GMDS: variants seen among roughly 807,000 people sequenced by gnomAD.
The protein encoded by GMDS is GDP-mannose 4,6-dehydratase.
In GMDS, 20 loss-of-function variants were observed where a neutral mutation model predicts 49.9. The observed-to-expected ratio is 0.40, with a 90% CI of 0.28 to 0.58. The LOEUF is 0.58. Among genes scored for constraint, GMDS ranks in the 20% least tolerant of loss-of-function variants. The pLI is 0.42. For synonymous variants in GMDS, 177 were observed against 178.6 expected (o/e 0.99, Z 0.07); for missense variants, 362 against 481.4 (o/e 0.75, Z 2.32).
intron 4 of GMDS, among the ~76,000 whole-genome samples, chr6:2,051,016 G>A (rs987604738): frequency 1.1e-4 from 17 of 152,120 alleles, no homozygotes; most frequent in African/African-American, 4.1e-4. Context: ...TAAATAATGA[G>A]TTGATGGGTG....
rs1775322663 is a variant in GMDS at position 2,124,708 on chromosome 6, G to C, written c.126C>G (p.Phe42Leu). The C allele has an allele frequency of 6.2e-7, 1 of 1,613,634 alleles. No individual in the cohort carries two copies. Among genetic ancestry groups the C allele is most frequent in the Non-Finnish European group, 8.5e-7 (1 of 1,179,784 alleles). ...TGQDGSYLAE[F>L]LLEKGYEVHG... ...CCACCTCATAGCCTTTCTCCAGCAG[G>C]AACTCAGCCAGGTAGGAACCATCCT... is the stretch of plus-strand genomic sequence containing the variant. Residue 42 changes from phenylalanine to leucine, a missense_variant, in exon 2 of 11, where the codon TTC becomes TTG. By Grantham distance (22) the Phe-to-Leu change is conservative (BLOSUM62 0). Coordinates refer to ENST00000380815, the MANE Select transcript of GMDS (RefSeq NM_001500.4).
Position 2,191,677 on chromosome 6 carries a change from C to G in GMDS, c.102+53644G>C, listed in dbSNP as rs1051142006. 3.9e-5 allele frequency among the ~76,000 whole-genome samples: 6 copies of G among 152,224 alleles called. No homozygotes were observed. Among genetic ancestry groups the G allele is most frequent in the African/African-American group, 7.2e-5 (3 of 41,462 alleles). ...GTATGTGAGGGTCCTGCCACCTCAG[C>G]TCCCTCCAGACTCTGTGTGCTGACA... On this transcript the variant is annotated intron_variant, in intron 1 of 10. Coordinates refer to ENST00000380815, the MANE Select transcript of GMDS (RefSeq NM_001500.4). This position sits in a 1 kb window ranked among gnomAD's most constrained non-coding sequence, Gnocchi z 4.6.
At chr6:2,219,443 A>G (rs1033446047) in intron 1 of GMDS, among the ~76,000 whole-genome samples, 2 of 152,178 alleles carry the variant, frequency 1.3e-5, no homozygotes, top group Admixed American at 1.3e-4. Context: ...TTTACACAGG[A>G]TCCTCTAAAC....
chr6:1,660,582 G>A (rs971007095), intron 9 of GMDS, among the ~76,000 whole-genome samples: 2 of 151,660 alleles, frequency 1.3e-5, no homozygotes, highest in Non-Finnish European at 2.9e-5. Context: ...GTGTCAATGA[G>A]GAAAAGGCAC....
chr6:1,715,614 C>T (rs992812121), intron 9 of GMDS, among the ~76,000 whole-genome samples: 4 of 152,188 alleles, frequency 2.6e-5, no homozygotes, highest in Non-Finnish European at 5.9e-5. Context: ...TCAGTTTTTT[C>T]AACATGCCTA....
chr6:1,955,727 T>C (rs1389910850), intron 6 of GMDS, among the ~76,000 whole-genome samples: 4 of 140,350 alleles, frequency 2.9e-5, no homozygotes, highest in Admixed American at 7.0e-5. Flanking sequence ...TCAAAACAAA[T>C]ATATTTAGAA....
intron 4 of GMDS, among the ~76,000 whole-genome samples, chr6:1,994,369 C>G (rs1375871643): frequency 6.6e-6 from 1 of 152,138 alleles, no homozygotes; most frequent in African/African-American, 2.4e-5. Flanking sequence ...GAAACTAATT[C>G]TTAGTATTTC....
intron 7 of GMDS, among the ~76,000 whole-genome samples, chr6:1,793,201 C>T (rs1769608905): frequency 6.6e-6 from 1 of 152,106 alleles, no homozygotes; most frequent in Non-Finnish European, 1.5e-5. Flanking sequence ...TGATACATTC[C>T]CCAATGTCCT....
intron 1 of GMDS, among the ~76,000 whole-genome samples, chr6:2,232,705 C>T (rs1339566814): frequency 6.6e-6 from 1 of 152,134 alleles, no homozygotes. Context: ...AATCACGCTG[C>T]GGAACAGCTC....
intron 9 of GMDS, among the ~76,000 whole-genome samples, chr6:1,705,416 G>C (rs1330204634): frequency 6.6e-6 from 1 of 152,196 alleles, no homozygotes; most frequent in Admixed American, 6.5e-5. Context: ...TCGATAGGCA[G>C]GTGGTAAGTT....
intron 9 of GMDS, among the ~76,000 whole-genome samples, chr6:1,705,561 T>TA (rs1420998056): frequency 1.3e-5 from 2 of 152,198 alleles, no homozygotes; most frequent in Non-Finnish European, 2.9e-5. Flanking sequence ...ACTACATAAT[T>TA]AGTCTTGTGT....
At chr6:2,038,930 G>A (rs1308531925) in intron 4 of GMDS, among the ~76,000 whole-genome samples, 11 of 152,118 alleles carry the variant, frequency 7.2e-5, no homozygotes, top group Non-Finnish European at 1.2e-4. Context: ...CTTGAATTCC[G>A]CTAACATACA....
At chr6:1,858,986 T>C (rs1209287969) in intron 7 of GMDS, among the ~76,000 whole-genome samples, 2 of 152,050 alleles carry the variant, frequency 1.3e-5, no homozygotes, top group African/African-American at 2.4e-5. Flanking sequence ...GGCACTTAAC[T>C]GAGATGACAT....
chr6:1,968,946 C>T (rs964223254), intron 4 of GMDS, among the ~76,000 whole-genome samples: 1 of 151,836 alleles, frequency 6.6e-6, no homozygotes, highest in Non-Finnish European at 1.5e-5. Flanking sequence ...CAGAAAGCCA[C>T]GTGAAGAGAA....
chr6:1,725,935 G>A (rs1012257860), intron 9 of GMDS, among the ~76,000 whole-genome samples: 1 of 152,222 alleles, frequency 6.6e-6, no homozygotes, highest in African/African-American at 2.4e-5. Flanking sequence ...CATGGACAGG[G>A]TGGTCCCTGA....
chr6:2,007,041 G>A (rs1185058978), intron 4 of GMDS, among the ~76,000 whole-genome samples: 1 of 152,142 alleles, frequency 6.6e-6, no homozygotes, highest in Non-Finnish European at 1.5e-5. Context: ...TTCATATACA[G>A]TACTCTTATA....
chr6:1,998,504 C>T (rs1403065975), intron 4 of GMDS, among the ~76,000 whole-genome samples: 1 of 151,960 alleles, frequency 6.6e-6, no homozygotes, highest in Non-Finnish European at 1.5e-5. Flanking sequence ...GGATTATAAC[C>T]CCAGAATGGA....
chr6:2,214,906 T>C (rs982091670), intron 1 of GMDS, among the ~76,000 whole-genome samples: 5 of 152,190 alleles, frequency 3.3e-5, no homozygotes, highest in African/African-American at 1.2e-4. Context: ...AATGAAATAA[T>C]GGATAATCTT....
chr6:2,098,895 T>C (rs1174316982), intron 4 of GMDS, among the ~76,000 whole-genome samples: 1 of 152,156 alleles, frequency 6.6e-6, no homozygotes, highest in Non-Finnish European at 1.5e-5. Context: ...TATATAAGTA[T>C]TTTTCTTTGA....
Sources: allele counts gnomAD v4.1 joint callset (sites outside exome capture counted in the v4.1 genomes callset), GRCh38; gene constraint gnomAD v4.1.1; non-coding constraint Gnocchi (gnomAD v3.1); transcripts MANE v1.5; gene names NCBI Gene and HGNC (gene_info 2026-07-23, HGNC 2026-07-21).